KATNAL2: variants seen among roughly 807,000 people sequenced by gnomAD.
The protein encoded by KATNAL2 is katanin catalytic subunit A1 like 2.
In KATNAL2, 52 loss-of-function variants were observed where a neutral mutation model predicts 76.3. The ratio of observed to expected loss-of-function variants is 0.68; its 90% CI spans 0.55 to 0.86. The LOEUF is 0.86. Among genes scored for constraint, KATNAL2 ranks in the 40% least tolerant of loss-of-function variants. KATNAL2 has a pLI of 0.00. For missense variants in KATNAL2, 660 were observed against 668.9 expected, an observed-to-expected ratio of 0.99 and a Z score of 0.15; for synonymous variants, 243 against 244.2, an observed-to-expected ratio of 1.00 and a Z score of 0.05.
chr18:47,031,506 G>T (rs2571024), intron 3 of KATNAL2, among the ~76,000 whole-genome samples: 72,135 of 151,446 alleles, frequency 0.48, 17,353 homozygotes, highest in East Asian at 0.65. Context: ...GGGGAATGGG[G>T]ATTCGGGTGT....
intron 1 of KATNAL2, among the ~76,000 whole-genome samples, chr18:46,945,452 T>C (rs1042921084): frequency 1.3e-5 from 2 of 152,182 alleles, no homozygotes; most frequent in Admixed American, 6.5e-5. Context: ...CCAAGCCAAA[T>C]AAACTACTCA....
At position 46,925,510 on chromosome 18, in the gene KATNAL2, C is replaced by T. The variant is rs568489375; in HGVS notation, c.-510+7584C>T. On this transcript the variant is annotated intron_variant, in intron 1 of 17. Coordinates refer to ENST00000683218, the MANE Select transcript of KATNAL2 (RefSeq NM_001387690.1). Reference sequence around the variant, plus strand: ...AGTATTTTATTGAGGATTTTTGCATCAGTGTTCATCAAGGATATTGGTCTA... The same window carrying T: ...AGTATTTTATTGAGGATTTTTGCATTAGTGTTCATCAAGGATATTGGTCTA... 1.4e-4 allele frequency among the ~76,000 whole-genome samples: 21 copies of T among 152,272 alleles called. No individual in the cohort carries two copies. The South Asian group carries it at 4.4e-3, about 32-fold the overall frequency.
rs2061156271 is a variant in KATNAL2, at chr18:47,046,354, T to C, written c.52-103T>C. ...AAATTGCTTTCCAGCCTTTAAGTCA[T>C]GCTGCTTGGCTTTGACAGGTTACAT... is the stretch of plus-strand genomic sequence containing the variant. On this transcript the variant is annotated intron_variant, in intron 3 of 17. Transcript: ENST00000683218. 4 of 753,726 alleles carry C rather than the reference T, an allele frequency of 5.3e-6. 1 individual carries two copies. The highest frequency in any genetic ancestry group is 3.2e-5 in the South Asian group (2 of 62,706). 46.7% of individuals were successfully genotyped at this position (753,726 alleles called of 1,614,324 possible).
chr18:47,063,349 C>T lies in KATNAL2; in HGVS notation c.714C>T (p.Ala238=), dbSNP rs901932208. 1.2e-5 allele frequency: 19 copies of T among 1,613,610 alleles called. No homozygotes were observed. The highest frequency in any genetic ancestry group is 3.3e-5 in the Admixed American group (2 of 59,962). Reference sequence around the variant, plus strand: ...ACAGTGAGATGCGAGAATTGGCAGCCGTGGTGAGCCGGGTAAGATCTGATA... The same window carrying T: ...ACAGTGAGATGCGAGAATTGGCAGCTGTGGTGAGCCGGGTAAGATCTGATA... ...GMNSEMRELA[A]VVSRDIYLHN... Residue 238 remains alanine (A), a synonymous_variant, in exon 10 of 18, where the codon GCC becomes GCT. Transcript: ENST00000683218.
intron 3 of KATNAL2, 29 bp downstream of exon 3, chr18:46,946,952 A>G (rs1327777734): frequency 7.2e-6 from 10 of 1,385,744 alleles, no homozygotes; most frequent in Non-Finnish European, 9.9e-6. Context: ...AAACATGATT[A>G]TACCAAGAAC....
intron 1 of KATNAL2, among the ~76,000 whole-genome samples, chr18:46,929,564 C>A (rs2058841627): frequency 6.6e-6 from 1 of 151,956 alleles, no homozygotes. Flanking sequence ...CTTTTTATTG[C>A]TGAGTAGTAT....
At chr18:46,945,266 T>C (rs1030793105) in intron 1 of KATNAL2, among the ~76,000 whole-genome samples, 1 of 152,234 alleles carries the variant, frequency 6.6e-6, no homozygotes, top group Non-Finnish European at 1.5e-5. Context: ...ATAAGTGCAG[T>C]ATGAAAAGTA....
chr18:47,099,238 T>G lies in KATNAL2; in HGVS notation c.1212-5T>G. The G allele has an allele frequency of 6.2e-7, 1 of 1,605,380 alleles. No individual in the cohort carries two copies. Among genetic ancestry groups the G allele is most frequent in the Non-Finnish European group, 8.5e-7 (1 of 1,174,980 alleles). On this transcript the variant is annotated splice_region_variant and splice_polypyrimidine_tract_variant and intron_variant, in intron 15 of 17. Coordinates refer to ENST00000683218, the MANE Select transcript of KATNAL2 (RefSeq NM_001387690.1). ...TGTCCAGCTCCATTTCTGGTGTGAT[T>G]TCAGGGAGCTGGACTGTGCCATGTT... is the stretch of plus-strand genomic sequence containing the variant.
At chr18:47,084,847 TAAA>T (rs34034453) in intron 15 of KATNAL2, among the ~76,000 whole-genome samples, 42 of 25,524 alleles carry the variant, frequency 1.6e-3, no homozygotes, top group African/African-American at 7.1e-3. Flanking sequence ...AGACTCTGTC[TAAA>T]AAAAAAAAAA....
intron 7 of KATNAL2, 126 bp from the exon 8 acceptor site, chr18:47,059,430 C>T (rs1301135368): frequency 1.4e-6 from 1 of 699,638 alleles, no homozygotes; most frequent in Non-Finnish European, 2.6e-6. Flanking sequence ...GGCTAAGCTA[C>T]ATGTGCATGT....
Position 47,032,663 on chromosome 18 carries a change from G to A in KATNAL2, c.52-13794G>A, listed in dbSNP as rs569580048. 90 of 331,008 alleles carry A rather than the reference G, an allele frequency of 2.7e-4. 1 individual carries two copies. The highest frequency in any genetic ancestry group is 2.1e-3 in the Admixed American group (43 of 20,576). The allele number at this position is 331,008 out of a possible 1,614,324, so 20.5% of individuals were successfully genotyped here. A position where few individuals can be genotyped will look rare whatever the true frequency, so the allele number is the denominator to read the frequency against. ...AAGAAGTTCTTATCTACTTGATTTC[G>A]AAAAAAAAAAGAAAGGAAAAAGGAA... On this transcript the variant is annotated intron_variant, in intron 3 of 17. Transcript: ENST00000683218.
rs565669708 is a variant in KATNAL2, at chr18:47,059,222, C to T, written c.451-334C>T. Among the ~76,000 whole-genome samples the T allele has an allele frequency of 2.0e-5, 3 of 152,260 alleles. No individual in the cohort carries two copies. The East Asian group carries it at 5.8e-4, about 29-fold the overall frequency. On this transcript the variant is annotated intron_variant, in intron 7 of 17. Transcript: ENST00000683218. ...GCCATATCTCCAAACTCAGCCACTC[C>T]TGGCCAAAAACACCCCTGATCACAG...
At chr18:46,961,560 G>A (rs773855792) in intron 3 of KATNAL2, among the ~76,000 whole-genome samples, 1 of 152,110 alleles carries the variant, frequency 6.6e-6, no homozygotes, top group Non-Finnish European at 1.5e-5. Flanking sequence ...TTACAATGAG[G>A]GTTTTAAATT....
rs1263997462 is a variant in KATNAL2, at chr18:47,033,724, A to C, written c.52-12733A>C. The C allele has an allele frequency of 6.8e-6, 11 of 1,614,046 alleles. No homozygotes were observed. The East Asian group carries it at 2.5e-4, about 36-fold the overall frequency. On this transcript the variant is annotated intron_variant, in intron 3 of 17. Coordinates refer to ENST00000683218, the MANE Select transcript of KATNAL2 (RefSeq NM_001387690.1). Reference sequence around the variant, plus strand: ...GCAGGCAGGCCTGGAGCCCGAGTACACCGGCATCTTAGCATTCACTCTGCG... The same window carrying C: ...GCAGGCAGGCCTGGAGCCCGAGTACCCCGGCATCTTAGCATTCACTCTGCG...
chr18:46,945,359 TGAGTTATCCTA>T (rs1373428203), intron 1 of KATNAL2, among the ~76,000 whole-genome samples: 11 of 152,210 alleles, frequency 7.2e-5, no homozygotes, highest in African/African-American at 2.7e-4. Flanking sequence ...AAAACGCCAT[TGAGTTATCCTA>T]GAAAGTGACA....
intron 13 of KATNAL2, among the ~76,000 whole-genome samples, chr18:47,071,286 C>T (rs1382893870): frequency 1.3e-5 from 2 of 152,140 alleles, no homozygotes; most frequent in African/African-American, 4.8e-5. Context: ...AGGCATGAGC[C>T]ACCATGCCTA....
intron 3 of KATNAL2, chr18:47,034,180 C>G: frequency 6.2e-7 from 1 of 1,614,190 alleles, no homozygotes; most frequent in Non-Finnish European, 8.5e-7. Context: ...AGAGAGGGAG[C>G]TCACGGACGT....
intron 1 of KATNAL2, among the ~76,000 whole-genome samples, chr18:46,930,842 C>T (rs778050691): frequency 6.6e-6 from 1 of 150,920 alleles, no homozygotes; most frequent in Non-Finnish European, 1.5e-5. Context: ...GTGGTTCACA[C>T]CTGTAATCCC....
chr18:46,943,027 G>T (rs1368390983), intron 1 of KATNAL2, among the ~76,000 whole-genome samples: 1 of 152,112 alleles, frequency 6.6e-6, no homozygotes, highest in African/African-American at 2.4e-5. Flanking sequence ...ACAGGGTTTG[G>T]AGTAGTACTC....
Sources: allele counts gnomAD v4.1 joint callset (sites outside exome capture counted in the v4.1 genomes callset), GRCh38; gene constraint gnomAD v4.1.1; transcripts MANE v1.5; gene names NCBI Gene and HGNC (gene_info 2026-07-23, HGNC 2026-07-21).